Variants in UBE2E2 observed in about 807,000 individuals in gnomAD.
The protein encoded by UBE2E2 is ubiquitin-conjugating enzyme E2 E2.
In UBE2E2, 6 loss-of-function variants were observed where a neutral mutation model predicts 24.7. That is an observed-to-expected ratio of 0.24 (90% confidence interval 0.13 to 0.48). The LOEUF is 0.48. UBE2E2 is among the 20% of genes least tolerant of loss of function. The pLI, the probability that UBE2E2 is intolerant of heterozygous loss-of-function variation, is 0.99. For synonymous variants in UBE2E2, 104 were observed against 83.6 expected, an observed-to-expected ratio of 1.24 and a Z score of -1.33; for missense variants, 169 against 245.0, an observed-to-expected ratio of 0.69 and a Z score of 2.07.
intron 3 of UBE2E2, among the ~76,000 whole-genome samples, chr3:23,293,208 A>G (rs1698816655): frequency 1.3e-5 from 2 of 152,242 alleles, no homozygotes; most frequent in South Asian, 2.1e-4. Context: ...TTGTGTGGAC[A>G]GCAACAGATT....
intron 3 of UBE2E2, among the ~76,000 whole-genome samples, chr3:23,453,672 T>C (rs950495897): frequency 2.0e-5 from 3 of 152,200 alleles, no homozygotes; most frequent in African/African-American, 4.8e-5. Flanking sequence ...AATCAAGATA[T>C]TGCATATTAA....
intron 3 of UBE2E2, among the ~76,000 whole-genome samples, chr3:23,377,534 G>A (rs1255060772): frequency 2.0e-5 from 3 of 152,154 alleles, no homozygotes; most frequent in Non-Finnish European, 2.9e-5. Flanking sequence ...CCCATCTAAA[G>A]TCAGTCAGTG....
At chr3:23,492,285 G>A (rs1477048740) in intron 3 of UBE2E2, among the ~76,000 whole-genome samples, 2 of 152,168 alleles carry the variant, frequency 1.3e-5, no homozygotes, top group Non-Finnish European at 2.9e-5. Flanking sequence ...CTTTCCCACA[G>A]GAAGGATGAA....
At chr3:23,561,106 C>T (rs1305974141) in intron 5 of UBE2E2, among the ~76,000 whole-genome samples, 2 of 152,086 alleles carry the variant, frequency 1.3e-5, no homozygotes, top group Admixed American at 6.5e-5. Context: ...GCTTTTGTTG[C>T]CATTGCTTTT....
At chr3:23,250,360 A>T (rs1273269168) in intron 3 of UBE2E2, among the ~76,000 whole-genome samples, 1 of 152,190 alleles carries the variant, frequency 6.6e-6, no homozygotes, top group East Asian at 1.9e-4. Flanking sequence ...GGCTGCTTTG[A>T]GGTTTCTGAG....
At chr3:23,522,145 T>TC (rs1694881303) in intron 4 of UBE2E2, among the ~76,000 whole-genome samples, 1 of 61,150 alleles carries the variant, frequency 1.6e-5, no homozygotes, top group East Asian at 7.7e-4. Context: ...TTTTTTTTTT[T>TC]TTTGAGGCAG....
chr3:23,484,794 A>G (rs1559398531), intron 3 of UBE2E2, among the ~76,000 whole-genome samples: 1 of 152,134 alleles, frequency 6.6e-6, no homozygotes, highest in Non-Finnish European at 1.5e-5. Context: ...ATGCAGGGGA[A>G]CTGCCCTTTA....
chr3:23,418,087 G>T (rs1180523315), intron 3 of UBE2E2, among the ~76,000 whole-genome samples: 1 of 152,140 alleles, frequency 6.6e-6, no homozygotes. Flanking sequence ...TGCTGGCGTT[G>T]CAGGCACCAC....
intron 3 of UBE2E2, among the ~76,000 whole-genome samples, chr3:23,346,360 T>A (rs1025044675): frequency 7.3e-5 from 11 of 151,618 alleles, no homozygotes; most frequent in Non-Finnish European, 1.3e-4. Flanking sequence ...GGGTACAGAT[T>A]TTGCTTTCAG....
intron 3 of UBE2E2, among the ~76,000 whole-genome samples, chr3:23,413,814 C>A (rs1697555428): frequency 6.6e-6 from 1 of 152,156 alleles, no homozygotes; most frequent in Non-Finnish European, 1.5e-5. Context: ...GCACCTGGTA[C>A]ATGTCAGGCA....
chr3:23,244,372 G>C (rs779568464), intron 3 of UBE2E2, among the ~76,000 whole-genome samples: 1 of 152,076 alleles, frequency 6.6e-6, no homozygotes, highest in African/African-American at 2.4e-5. Flanking sequence ...ATTCCATTTT[G>C]TAATACACAT....
chr3:23,218,154 A>G lies in UBE2E2; in HGVS notation c.227+842A>G, dbSNP rs139625447. Among the ~76,000 whole-genome samples the G allele has an allele frequency of 1.9e-3, 283 of 152,238 alleles. 2 individuals are homozygous for G. Among genetic ancestry groups the G allele is most frequent in the African/African-American group, 6.2e-3 (259 of 41,560 alleles). ...CCAACGTTGAACGCAGGTAGAATTT[A>G]TTGCTTGGTATGATTTCTGAGTTTA... On this transcript the variant is annotated intron_variant, in intron 3 of 5. Coordinates refer to ENST00000396703, the MANE Select transcript of UBE2E2 (RefSeq NM_152653.4).
chr3:23,566,568 G>A (rs1485139858), intron 5 of UBE2E2, among the ~76,000 whole-genome samples: 1 of 152,212 alleles, frequency 6.6e-6, no homozygotes, highest in Non-Finnish European at 1.5e-5. Flanking sequence ...GCCAGCATCT[G>A]CTTCTGGAAG....
intron 3 of UBE2E2, among the ~76,000 whole-genome samples, chr3:23,324,653 T>G (rs1399219413): frequency 2.0e-5 from 3 of 152,164 alleles, no homozygotes; most frequent in Non-Finnish European, 2.9e-5. Flanking sequence ...TGCTGCATCC[T>G]TATTATTTTT....
intron 5 of UBE2E2, among the ~76,000 whole-genome samples, chr3:23,557,036 G>A (rs1464182683): frequency 6.6e-6 from 1 of 152,134 alleles, no homozygotes; most frequent in African/African-American, 2.4e-5. Context: ...CCTAAAGGAA[G>A]ACCTAAAACA....
intron 3 of UBE2E2, among the ~76,000 whole-genome samples, chr3:23,481,827 T>C (rs1699266362): frequency 6.6e-6 from 1 of 152,230 alleles, no homozygotes; most frequent in South Asian, 2.1e-4. Flanking sequence ...ACAGGAATTA[T>C]TAAGGGATAC....
At chr3:23,400,854 A>T (rs1697205952) in intron 3 of UBE2E2, among the ~76,000 whole-genome samples, 1 of 151,724 alleles carries the variant, frequency 6.6e-6, no homozygotes, top group Non-Finnish European at 1.5e-5. Flanking sequence ...TTTATTGGGT[A>T]CTTAAGGCTA....
Position 23,217,316 on chromosome 3 carries a change from A to G in UBE2E2, c.227+4A>G, listed in dbSNP as rs1696502460. The G allele has an allele frequency of 1.9e-6, 3 of 1,612,300 alleles. No individual in the cohort carries two copies. The highest frequency in any genetic ancestry group is 2.7e-5 in the African/African-American group (2 of 74,860). On this transcript the variant is annotated splice_donor_region_variant and intron_variant, in intron 3 of 5. Transcript: ENST00000396703. ...TGGACCCTCCTCCCAACTGTAGGTA[A>G]GTACTCATGGTTTTTTATTTACTTG...
chr3:23,312,504 C>T (rs1694436553), intron 3 of UBE2E2, among the ~76,000 whole-genome samples: 1 of 151,860 alleles, frequency 6.6e-6, no homozygotes, highest in African/African-American at 2.4e-5. Flanking sequence ...TTAACCATCC[C>T]ACGTTTCCCC....
Sources: gnomAD v4.1 joint callset for allele counts (sites outside exome capture counted in the v4.1 genomes callset) on GRCh38, gnomAD v4.1.1 for gene constraint, MANE v1.5 for transcripts, NCBI Gene and HGNC (gene_info 2026-07-23, HGNC 2026-07-21) for gene names.